Variants in AKR1A1 observed in about 807,000 individuals in gnomAD.
AKR1A1 encodes the protein aldo-keto reductase family 1 member A1.
A neutral mutation model predicts 39.2 loss-of-function variants in AKR1A1; 26 were observed. The observed-to-expected ratio is 0.66, with a 90% confidence interval of 0.49 to 0.92. The LOEUF (loss-of-function observed/expected upper bound fraction) is 0.92, where lower values mean the gene tolerates loss of function less well. AKR1A1 is among the 40% of genes least tolerant of loss of function. The probability of loss-of-function intolerance (pLI) is 0.00; values close to 1 mark genes in which losing one functional copy is unlikely to be tolerated. For synonymous variants in AKR1A1, 141 were observed against 155.5 expected, an observed-to-expected ratio of 0.91 and a Z score of 0.69; for missense variants, 378 against 406.5, an observed-to-expected ratio of 0.93 and a Z score of 0.60.
At chr1:45,566,151 G>A (rs1274393543) in intron 2 of AKR1A1, among the ~76,000 whole-genome samples, 2 of 150,998 alleles carry the variant, frequency 1.3e-5, no homozygotes, top group East Asian at 2.0e-4. Context: ...TCTTGTTGCC[G>A]AGGCTGAAGT....
intron 1 of AKR1A1, among the ~76,000 whole-genome samples, chr1:45,552,766 T>C (rs1258020020): frequency 6.6e-6 from 1 of 152,144 alleles, no homozygotes; most frequent in East Asian, 1.9e-4. Context: ...GTCACATGGT[T>C]GGATCTGGTG....
At chr1:45,552,022 G>T (rs1490058317) in intron 1 of AKR1A1, among the ~76,000 whole-genome samples, 1 of 135,244 alleles carries the variant, frequency 7.4e-6, no homozygotes, top group African/African-American at 2.7e-5. Context: ...TGTATGTATG[G>T]GACAGGTACT....
intron 4 of AKR1A1, 102 bp downstream of exon 4, chr1:45,567,122 A>G: frequency 6.8e-7 from 1 of 1,461,838 alleles, no homozygotes; most frequent in Non-Finnish European, 9.2e-7. Context: ...AGGAACACTC[A>G]TTTGCATGCC....
chr1:45,568,302 G>A (rs1644372113), intron 5 of AKR1A1, 125 bp downstream of exon 5: 5 of 1,291,042 alleles, frequency 3.9e-6, no homozygotes, highest in Non-Finnish European at 5.4e-6. Context: ...GAAGTCCTCT[G>A]CATAAAGGTG....
At chr1:45,556,497 C>G (rs1644205455) in intron 1 of AKR1A1, among the ~76,000 whole-genome samples, 1 of 152,042 alleles carries the variant, frequency 6.6e-6, no homozygotes, top group African/African-American at 2.4e-5. Context: ...AAGAGAATCA[C>G]TTGAACCTGG....
At chr1:45,553,539 G>C (rs1391963052) in intron 1 of AKR1A1, among the ~76,000 whole-genome samples, 5 of 152,188 alleles carry the variant, frequency 3.3e-5, no homozygotes, top group Admixed American at 3.3e-4. Context: ...ACATCAAGAA[G>C]TACAGGAAGC....
rs761708108 is a variant in AKR1A1 at position 45,561,807 on chromosome 1, T to TGCACACTGGGCA, written c.14_15insCACACTGGGCAG (p.Cys5_Val6insThrLeuGlySer). ...GTTTCAGGGGGCAATGGCGGCTTCC[T>TGCACACTGGGCA]GTGTTCTACTGCACACTGGGCAGAA... On this transcript the variant is annotated inframe_insertion, in exon 2 of 9. Coordinates refer to ENST00000351829, the MANE Select transcript of AKR1A1 (RefSeq NM_153326.3). 1 of 1,614,150 alleles carries TGCACACTGGGCA rather than the reference T, an allele frequency of 6.2e-7. No individual in the cohort carries two copies. The highest frequency in any genetic ancestry group is 8.5e-7 in the Non-Finnish European group (1 of 1,180,008).
intron 1 of AKR1A1, among the ~76,000 whole-genome samples, chr1:45,559,614 CTTCTTTTCTCTT>C (rs1644250778): frequency 6.9e-6 from 1 of 144,066 alleles, no homozygotes; most frequent in Non-Finnish European, 1.5e-5. Flanking sequence ...GGTTTTGCCA[CTTCTTTTCTCTT>C]TTCTTTTCTT....
intron 1 of AKR1A1, among the ~76,000 whole-genome samples, chr1:45,559,001 TTC>T (rs1227834699): frequency 6.6e-6 from 1 of 152,232 alleles, no homozygotes; most frequent in Non-Finnish European, 1.5e-5. Context: ...GGTGTGAACA[TTC>T]TCTCTCCTTT....
At chr1:45,566,478 G>A (rs547784917) in intron 2 of AKR1A1, 91 bp from the exon 3 acceptor site, 2 of 1,554,640 alleles carry the variant, frequency 1.3e-6, no homozygotes, top group East Asian at 2.3e-5. Flanking sequence ...TTATATTTCT[G>A]AGCCCCCTTC....
In AKR1A1 at chr1:45,569,927, C is replaced by T. The variant is rs145543542; in HGVS notation, c.949C>T (p.Pro317Ser). The T allele has an allele frequency of 4.7e-4, 758 of 1,614,148 alleles. No individual in the cohort carries two copies. The highest frequency in any genetic ancestry group is 3.8e-3 in the Middle Eastern group (23 of 6,062). The stretch of plus-strand genomic sequence containing the variant: ...GAGAGTCCCAAGGGATGCAGGGCAT[C>T]CTCTGTACCCCTTTAATGACCCGTA... Reference protein sequence around the residue: ...GKRVPRDAGHPLYPFNDPY With the variant: ...GKRVPRDAGHSLYPFNDPY The change falls in exon 9 of 9, where the codon CCT (proline) becomes TCT (serine). Residue 317 changes from proline to serine, a missense_variant. Physicochemically the swap from Pro to Ser is moderately conservative, Grantham distance 74 (BLOSUM62 -1). Transcript: ENST00000351829.
chr1:45,552,556 A>G (rs1167345038), intron 1 of AKR1A1: 1 of 152,216 alleles, frequency 6.6e-6, no homozygotes, highest in African/African-American at 2.4e-5. Context: ...GCAGCTAGCC[A>G]GGCAAAGGTA....
intron 1 of AKR1A1, among the ~76,000 whole-genome samples, 170 bp from the exon 2 acceptor site, chr1:45,561,619 G>A (rs1372024409): frequency 6.6e-6 from 1 of 152,086 alleles, no homozygotes; most frequent in Non-Finnish European, 1.5e-5. Flanking sequence ...GACCCAACTG[G>A]TCTTGAACTC....
chr1:45,563,238 A>G (rs1450553762), intron 2 of AKR1A1, among the ~76,000 whole-genome samples: 2 of 151,818 alleles, frequency 1.3e-5, no homozygotes, highest in Admixed American at 1.3e-4. Context: ...CGTCTCTACT[A>G]AAAATACAAA....
intron 6 of AKR1A1, 111 bp from the exon 7 acceptor site, chr1:45,568,816 C>T (rs1644379296): frequency 1.3e-6 from 2 of 1,522,208 alleles, no homozygotes; most frequent in African/African-American, 2.7e-5. Context: ...GCATATTTCC[C>T]ATTTCAGCAG....
At position 45,567,555 on chromosome 1, in the gene AKR1A1, C is replaced by T. The variant is rs140240182; in HGVS notation, c.357-427C>T. On this transcript the variant is annotated intron_variant, in intron 4 of 8. Transcript: ENST00000351829. Reference sequence around the variant, plus strand: ...AAGCATGGCTTTTTTTGGCCAGGCGCGGTGGCTCACGCCTGTAATCCCAGC... The same window carrying T: ...AAGCATGGCTTTTTTTGGCCAGGCGTGGTGGCTCACGCCTGTAATCCCAGC... The T allele has an allele frequency of 3.4e-3, 545 of 158,494 alleles. 7 individuals are homozygous for T. The highest frequency in any genetic ancestry group is 0.012 in the African/African-American group (514 of 41,540). 9.8% of individuals were successfully genotyped at this position (158,494 alleles called of 1,614,324 possible).
At chr1:45,559,883 G>A (rs778082137) in intron 1 of AKR1A1, among the ~76,000 whole-genome samples, 1 of 151,772 alleles carries the variant, frequency 6.6e-6, no homozygotes, top group Non-Finnish European at 1.5e-5. Flanking sequence ...TCTTGACCTT[G>A]TGATCCGCCC....
In AKR1A1 at chr1:45,568,623, G is replaced by A. The variant is rs773577682; in HGVS notation, c.691G>A (p.Glu231Lys). ...TCCTGATGAGCCTGTCCTGCTGGAG[G>A]AACCAGTAGTCCTGGCATTGGCTGA... ...RDPDEPVLLEEPVVLALAEKY... is the reference protein window; with the variant it reads ...RDPDEPVLLEKPVVLALAEKY... Residue 231 changes from glutamate (E) to lysine (K), a missense_variant, in exon 6 of 9, where the codon GAA becomes AAA. Coordinates refer to ENST00000351829, the MANE Select transcript of AKR1A1 (RefSeq NM_153326.3). The A allele has an allele frequency of 1.9e-6, 3 of 1,613,958 alleles. No individual in the cohort carries two copies. In the Admixed American group the frequency reaches 5.0e-5, roughly 27 times the overall value.
chr1:45,555,005 T>C (rs1644182697), intron 1 of AKR1A1, among the ~76,000 whole-genome samples: 1 of 152,150 alleles, frequency 6.6e-6, no homozygotes, highest in Non-Finnish European at 1.5e-5. Flanking sequence ...TGTTTTTTTT[T>C]AAGGCCCAAA....
Sources: gnomAD v4.1 joint callset for allele counts (sites outside exome capture counted in the v4.1 genomes callset) on GRCh38, gnomAD v4.1.1 for gene constraint, MANE v1.5 for transcripts, NCBI Gene and HGNC (gene_info 2026-07-23, HGNC 2026-07-21) for gene names.